The following CLHC1 variants were observed in gnomAD, a reference collection of about 807,000 sequenced individuals.
CLHC1 encodes the protein clathrin heavy chain linker domain containing 1.
CLHC1 carries 72 observed loss-of-function variants against 69.5 expected under a neutral mutation model. The observed-to-expected ratio is 1.04, with a 90% CI of 0.86 to 1.26. The LOEUF (loss-of-function observed/expected upper bound fraction) is 1.26, where lower values mean the gene tolerates loss of function less well. CLHC1 is among the 50% of genes most tolerant of loss of function. The pLI is 0.00. For missense variants in CLHC1, 790 were observed against 679.3 expected, an observed-to-expected ratio of 1.16 and a Z score of -1.81; for synonymous variants, 223 against 224.3, an observed-to-expected ratio of 0.99 and a Z score of 0.05.
At chr2:55,226,345 T>C (rs1674709238) in intron 2 of CLHC1, among the ~76,000 whole-genome samples, 1 of 152,054 alleles carries the variant, frequency 6.6e-6, no homozygotes. Flanking sequence ...CATCGTAACT[T>C]TTTCCCTAAT....
chr2:55,205,294 A>T (rs2103902110), intron 9 of CLHC1, among the ~76,000 whole-genome samples: 1 of 152,226 alleles, frequency 6.6e-6, no homozygotes, highest in African/African-American at 2.4e-5. Flanking sequence ...AAACTATTAT[A>T]TGAAAAAGAC....
intron 9 of CLHC1, among the ~76,000 whole-genome samples, chr2:55,203,826 A>G (rs1672187813): frequency 6.6e-6 from 1 of 152,194 alleles, no homozygotes; most frequent in Admixed American, 6.5e-5. Context: ...ACATCAAGGT[A>G]AAAAGCTTCT....
intron 3 of CLHC1, among the ~76,000 whole-genome samples, chr2:55,221,036 T>C (rs1171524932): frequency 6.6e-6 from 1 of 152,228 alleles, no homozygotes; most frequent in Non-Finnish European, 1.5e-5. Context: ...CTGGTAGGTA[T>C]ATATCACTAT....
chr2:55,178,597 T>C (rs941489644), intron 11 of CLHC1, among the ~76,000 whole-genome samples: 8 of 152,112 alleles, frequency 5.3e-5, no homozygotes, highest in Non-Finnish European at 1.2e-4. Context: ...TCACGCAGTC[T>C]CCCGCCTCAG....
At chr2:55,176,536 G>A (rs1314228226) in intron 12 of CLHC1, among the ~76,000 whole-genome samples, 1 of 151,932 alleles carries the variant, frequency 6.6e-6, no homozygotes, top group Non-Finnish European at 1.5e-5. Context: ...TTTTTCTTAA[G>A]GAAATAAAAT....
At position 55,182,785 on chromosome 2, in the gene CLHC1, T is replaced by G. The variant is rs76619714; in HGVS notation, c.1007-1041A>C. Among the ~76,000 whole-genome samples, 494 of 152,022 alleles carry G rather than the reference T, an allele frequency of 3.2e-3. 2 individuals carry two copies. Among genetic ancestry groups the G allele is most frequent in the Middle Eastern group, 0.014 (4 of 294 alleles). ...TGAAGGAGATTCCATGAAAGGCGGG[T>G]AGGCTGGTTGTCTTGAAAAGGCTCT... On this transcript the variant is annotated intron_variant, in intron 9 of 12. Transcript: ENST00000401408.
chr2:55,219,890 A>G (rs1234087906), intron 3 of CLHC1, among the ~76,000 whole-genome samples: 2 of 152,114 alleles, frequency 1.3e-5, no homozygotes, highest in African/African-American at 4.8e-5. Context: ...AGCTACCTCC[A>G]TATCCCTGCC....
chr2:55,188,521 A>G (rs982172906), intron 9 of CLHC1, among the ~76,000 whole-genome samples: 1 of 152,180 alleles, frequency 6.6e-6, no homozygotes, highest in African/African-American at 2.4e-5. Flanking sequence ...TAATACAAAC[A>G]CTTTGGGAAA....
intron 4 of CLHC1, among the ~76,000 whole-genome samples, chr2:55,215,652 T>C (rs887085254): frequency 1.3e-5 from 2 of 152,286 alleles, no homozygotes; most frequent in East Asian, 1.9e-4. Flanking sequence ...CCTAGCTTTA[T>C]ATGGTGAGTG....
At chr2:55,195,874 C>T (rs1447466687) in intron 9 of CLHC1, among the ~76,000 whole-genome samples, 3 of 152,004 alleles carry the variant, frequency 2.0e-5, no homozygotes, top group Non-Finnish European at 4.4e-5. Flanking sequence ...TTCATAAGAA[C>T]AAAAATCAGT....
At chr2:55,213,515 G>A (rs1360547750) in intron 4 of CLHC1, among the ~76,000 whole-genome samples, 1 of 152,154 alleles carries the variant, frequency 6.6e-6, no homozygotes, top group Admixed American at 6.5e-5. Context: ...CTAGAGACTA[G>A]GACCTGATGT....
chr2:55,185,575 T>C (rs975590626), intron 9 of CLHC1, among the ~76,000 whole-genome samples: 49 of 152,224 alleles, frequency 3.2e-4, no homozygotes, highest in African/African-American at 1.1e-3. Context: ...AGGTTTCATT[T>C]TCTGCTGTAT....
intron 11 of CLHC1, 141 bp downstream of exon 11, chr2:55,180,369 T>C (rs1329241430): frequency 3.3e-6 from 2 of 603,670 alleles, no homozygotes; most frequent in Non-Finnish European, 5.7e-6. Context: ...CATGAAAAAT[T>C]ACACAAGAAA....
chr2:55,195,501 C>G (rs1671325947), intron 9 of CLHC1, among the ~76,000 whole-genome samples: 1 of 152,150 alleles, frequency 6.6e-6, no homozygotes. Context: ...ACAGGAACAA[C>G]AAATTTAACT....
At chr2:55,197,543 C>G (rs1023219684) in intron 9 of CLHC1, among the ~76,000 whole-genome samples, 1 of 152,180 alleles carries the variant, frequency 6.6e-6, no homozygotes, top group Non-Finnish European at 1.5e-5. Flanking sequence ...CTTGGAGAGA[C>G]TCCATTTTAG....
intron 9 of CLHC1, among the ~76,000 whole-genome samples, chr2:55,186,833 A>G (rs1460416440): frequency 1.3e-5 from 2 of 152,190 alleles, no homozygotes; most frequent in Non-Finnish European, 2.9e-5. Context: ...GGAAGCCATA[A>G]TAAAGATGAA....
At chr2:55,206,221 A>G (rs1672425665) in intron 9 of CLHC1, 49 bp downstream of exon 9, 1 of 1,092,620 alleles carries the variant, frequency 9.2e-7, no homozygotes, top group African/African-American at 1.6e-5. Context: ...TATGAGAGAA[A>G]AAGTAGTAAA....
At chr2:55,194,255 C>G (rs995267075) in intron 9 of CLHC1, among the ~76,000 whole-genome samples, 5 of 151,770 alleles carry the variant, frequency 3.3e-5, no homozygotes, top group Non-Finnish European at 7.4e-5. Context: ...GGAGTTTTTC[C>G]CACAAAGGCA....
At position 55,209,424 on chromosome 2, in the gene CLHC1, TG is replaced by T; in HGVS notation, c.793del (p.Gln265ArgfsTer16). 1 of 1,602,080 alleles carries T rather than the reference TG, an allele frequency of 6.2e-7. No homozygotes were observed. Among genetic ancestry groups the T allele is most frequent in the Non-Finnish European group, 8.5e-7 (1 of 1,175,176 alleles). Reference sequence around the variant, plus strand: ...TCTACCTTGTAAATATTTGGTTTTCTGAATTTGCTCCACAAAGTCTTGAAAT... The same window carrying T: ...TCTACCTTGTAAATATTTGGTTTTCTAATTTGCTCCACAAAGTCTTGAAAT... ...SPFQDFVEQI[Q>X]KTKYLQGDQG... On this transcript the variant is annotated frameshift_variant, in exon 7 of 13. Coordinates refer to ENST00000401408, the MANE Select transcript of CLHC1 (RefSeq NM_152385.4). LOFTEE classifies it high-confidence loss of function.
Sources: gnomAD v4.1 joint callset for allele counts (sites outside exome capture counted in the v4.1 genomes callset) on GRCh38, gnomAD v4.1.1 for gene constraint, MANE v1.5 for transcripts, NCBI Gene and HGNC (gene_info 2026-07-23, HGNC 2026-07-21) for gene names.